The following PSG5 variants were observed in gnomAD, a reference collection of about 807,000 sequenced individuals.
The protein encoded by PSG5 is pregnancy specific beta-1-glycoprotein 5, also known as pregnancy-specific beta-1-glycoprotein 5.
In PSG5, 53 loss-of-function variants were observed where a neutral mutation model predicts 37.7. The ratio of observed to expected loss-of-function variants is 1.41; its 90% CI spans 1.13 to 1.77. The LOEUF (loss-of-function observed/expected upper bound fraction) is 1.77. PSG5 is among the 40% of genes most tolerant of loss of function. PSG5 has a pLI of 0.00. For synonymous variants in PSG5, 221 were observed against 155.4 expected (o/e 1.42, Z -3.14); for missense variants, 547 against 405.2 (o/e 1.35, Z -3.00).
chr19:43,180,101 C>T (rs1277851992), intron 2 of PSG5, among the ~76,000 whole-genome samples: 4 of 151,658 alleles, frequency 2.6e-5, no homozygotes, highest in Non-Finnish European at 5.9e-5. Context: ...TCTCATTAGA[C>T]ATTCTACTCT....
intron 2 of PSG5, among the ~76,000 whole-genome samples, chr19:43,181,665 A>G (rs536544496): frequency 6.6e-6 from 1 of 151,700 alleles, no homozygotes; most frequent in African/African-American, 2.4e-5. Context: ...TCAACATGTT[A>G]GCCAGGATGG....
intron 4 of PSG5, 112 bp from the exon 5 acceptor site, chr19:43,170,250 T>A: frequency 9.9e-7 from 1 of 1,014,648 alleles, no homozygotes; most frequent in East Asian, 3.2e-5. Flanking sequence ...CTTCAAGTAC[T>A]ACATTATTCC....
chr19:43,168,633 A>G (rs1437585743), intron 5 of PSG5, among the ~76,000 whole-genome samples: 2 of 151,734 alleles, frequency 1.3e-5, no homozygotes, highest in Admixed American at 6.6e-5. Context: ...CGGCCTCCCA[A>G]ACTGCTGGGA....
chr19:43,176,078 G>A lies in PSG5; in HGVS notation c.501C>T (p.Phe167=). 1.2e-6 allele frequency: 2 copies of A among 1,611,018 alleles called. No individual in the cohort carries two copies. The highest frequency in any genetic ancestry group is 1.7e-6 in the Non-Finnish European group (2 of 1,179,158). The part of the protein sequence containing the change: ...KPRENKDVLA[F]TCEPKSENYT... ...AGTTCTCACTCTTAGGTTCACAGGT[G>A]AAGGCTAAGACATCCTTATTCTCCC... The change falls in exon 3 of 6, where the codon TTC becomes TTT. Residue 167 remains phenylalanine (F), a synonymous_variant. Coordinates refer to ENST00000342951, the MANE Select transcript of PSG5 (RefSeq NM_002781.4).
At chr19:43,174,496 C>A in intron 4 of PSG5, 1 of 762,188 alleles carries the variant, frequency 1.3e-6, no homozygotes, top group Non-Finnish European at 1.6e-6. Context: ...CTGTGTCCCA[C>A]ATGCTGTGCC....
chr19:43,175,174 C>T (rs771494603), intron 4 of PSG5, 41 bp downstream of exon 4: 2 of 1,611,952 alleles, frequency 1.2e-6, no homozygotes, highest in Non-Finnish European at 8.5e-7. Flanking sequence ...AGGTAGACTC[C>T]ACCTAAAACC....
chr19:43,174,701 T>A, intron 4 of PSG5: 1 of 994,756 alleles, frequency 1.0e-6, no homozygotes, highest in Non-Finnish European at 1.2e-6. Flanking sequence ...CCAGGTTGAG[T>A]GAGGCAGGCC....
intron 4 of PSG5, 171 bp downstream of exon 4, chr19:43,175,044 A>G: frequency 6.6e-7 from 1 of 1,525,724 alleles, no homozygotes; most frequent in Non-Finnish European, 8.8e-7. Context: ...CAGAAAAACA[A>G]GGAGAAGAGA....
intron 2 of PSG5, among the ~76,000 whole-genome samples, chr19:43,182,204 T>A (rs1969142990): frequency 6.6e-6 from 1 of 151,742 alleles, no homozygotes; most frequent in Non-Finnish European, 1.5e-5. Context: ...ATGGCCTTTG[T>A]CAAACTAGTG....
Position 43,170,219 on chromosome 19 carries a change from T to C in PSG5, c.965-81A>G, listed in dbSNP as rs1247291632. On this transcript the variant is annotated intron_variant, in intron 4 of 5. Coordinates refer to ENST00000342951, the MANE Select transcript of PSG5 (RefSeq NM_002781.4). ...GAGCCTCAGGAAGAGGCATGTAGCA[T>C]GAGGTACTCTATAATTGTTTCTTCA... 4.2e-6 allele frequency: 5 copies of C among 1,199,442 alleles called. No homozygotes were observed. In the African/African-American group the frequency reaches 6.1e-5, roughly 15 times the overall value. 74.3% of individuals were successfully genotyped at this position (1,199,442 alleles called of 1,614,324 possible).
intron 4 of PSG5, among the ~76,000 whole-genome samples, chr19:43,172,499 A>G (rs1968926897): frequency 6.6e-6 from 1 of 151,750 alleles, no homozygotes; most frequent in South Asian, 2.1e-4. Context: ...CTAAAGGTGG[A>G]ACAAACCAAT....
intron 1 of PSG5, among the ~76,000 whole-genome samples, chr19:43,185,422 A>G (rs1470985374): frequency 1.3e-5 from 1 of 77,514 alleles, no homozygotes; most frequent in Non-Finnish European, 2.2e-5. Context: ...CCAGGGGTCC[A>G]CACGGCACCC....
At chr19:43,174,989 C>A in intron 4 of PSG5, 2 of 1,408,018 alleles carry the variant, frequency 1.4e-6, no homozygotes, top group South Asian at 2.9e-5. Flanking sequence ...ATAAAGCCCC[C>A]TCCCTAACTT....
In PSG5 at chr19:43,184,673, C is replaced by T. The variant is rs1352526889; in HGVS notation, c.430+109G>A. On this transcript the variant is annotated intron_variant, in intron 2 of 5. Transcript: ENST00000342951. Reference sequence around the variant, plus strand: ...TAAATGCCCAAACCGCAGCATGGGACATAATGCAGAGAGGGACACAGGCAC... The same window carrying T: ...TAAATGCCCAAACCGCAGCATGGGATATAATGCAGAGAGGGACACAGGCAC... 8 of 1,567,810 alleles carry T rather than the reference C, an allele frequency of 5.1e-6. No individual in the cohort carries two copies. In the East Asian group the frequency reaches 1.1e-4, roughly 22 times the overall value.
In PSG5 at chr19:43,183,665, C is replaced by G. The variant is rs1042029553; in HGVS notation, c.430+1117G>C. Among the ~76,000 whole-genome samples the G allele has an allele frequency of 2.8e-4, 42 of 151,404 alleles. 1 individual carries two copies. Among genetic ancestry groups the G allele is most frequent in the South Asian group, 2.1e-3 (10 of 4,782 alleles). ...TCTGGAGTGCAGACTAATCAGCTGACCATTTGCTCTCACTCCTCTGAGGTT... is the reference window on the plus strand; with the variant it reads ...TCTGGAGTGCAGACTAATCAGCTGAGCATTTGCTCTCACTCCTCTGAGGTT... On this transcript the variant is annotated intron_variant, in intron 2 of 5. Transcript: ENST00000342951.
chr19:43,175,353 T>A lies in PSG5; in HGVS notation c.826A>T (p.Asn276Tyr), dbSNP rs147599431. ...NPPAEYFWTI[N>Y]GKFQQSGQKL... is the part of the protein sequence containing the mutation. ...TGTCCTGATTGCTGAAACTTCCCATTAATTGTCCAAAAATACTCTGCCGGT... is the reference window on the plus strand; with the variant it reads ...TGTCCTGATTGCTGAAACTTCCCATAAATTGTCCAAAAATACTCTGCCGGT... The change falls in exon 4 of 6, where the codon AAT (asparagine) becomes TAT (tyrosine). Residue 276 changes from asparagine to tyrosine, a missense_variant. Asn to Tyr is a moderately radical substitution (Grantham distance 143). Coordinates refer to ENST00000342951, the MANE Select transcript of PSG5 (RefSeq NM_002781.4). The A allele has an allele frequency of 3.4e-5, 55 of 1,612,638 alleles. 2 individuals are homozygous for A. Among genetic ancestry groups the A allele is most frequent in the Non-Finnish European group, 4.2e-5 (50 of 1,179,256 alleles).
At chr19:43,181,281 C>T (rs1969122554) in intron 2 of PSG5, among the ~76,000 whole-genome samples, 1 of 151,574 alleles carries the variant, frequency 6.6e-6, no homozygotes, top group Non-Finnish European at 1.5e-5. Context: ...ATTGCTATTG[C>T]CAAAACAAAA....
chr19:43,169,972 A>T (rs1968868576), intron 5 of PSG5, 83 bp downstream of exon 5: 1 of 848,140 alleles, frequency 1.2e-6, no homozygotes, highest in Non-Finnish European at 1.9e-6. Flanking sequence ...GCAGTCCCAG[A>T]TACAAGCAAA....
rs775366471 is a variant in PSG5, at chr19:43,185,073, C to T, written c.139G>A (p.Glu47Lys). Residue 47 changes from glutamate (E) to lysine (K), a missense_variant, in exon 2 of 6, where the codon GAG becomes AAG. Physicochemically the swap from Glu to Lys is moderately conservative, Grantham distance 56. Coordinates refer to ENST00000342951, the MANE Select transcript of PSG5 (RefSeq NM_002781.4). ...TIEALPPKVS[E>K]GKDVLLLVHN... ...ACAAGTAGAAGAACATCCTTCCCCT[C>T]GGAAACTTTGGGTGGCAGGGCTTCA... 16 of 1,612,342 alleles carry T rather than the reference C, an allele frequency of 9.9e-6. No homozygotes were observed. Among genetic ancestry groups the T allele is most frequent in the Middle Eastern group, 1.7e-4 (1 of 6,054 alleles).
Sources: gnomAD v4.1 joint callset for allele counts (sites outside exome capture counted in the v4.1 genomes callset) on GRCh38, gnomAD v4.1.1 for gene constraint, MANE v1.5 for transcripts, NCBI Gene and HGNC (gene_info 2026-07-23, HGNC 2026-07-21) for gene names.